Variants in FAM3C observed in about 807,000 individuals in gnomAD.
The protein encoded by FAM3C is protein FAM3C.
FAM3C carries 15 observed loss-of-function variants against 32.5 expected under a neutral mutation model. That is an observed-to-expected ratio of 0.46 (90% confidence interval 0.31 to 0.71). FAM3C has a LOEUF of 0.71. Among genes scored for constraint, FAM3C ranks in the 30% least tolerant of loss-of-function variants. The probability of loss-of-function intolerance (pLI) is 0.05; values close to 1 mark genes in which losing one functional copy is unlikely to be tolerated. For missense variants in FAM3C, 175 were observed against 274.4 expected (o/e 0.64, Z 2.56); for synonymous variants, 75 against 86.1 (o/e 0.87, Z 0.72).
intron 5 of FAM3C, among the ~76,000 whole-genome samples, chr7:121,368,507 C>G (rs1794069867): frequency 1.3e-5 from 2 of 152,168 alleles, no homozygotes; most frequent in South Asian, 4.1e-4. Flanking sequence ...TATGAAAGTG[C>G]TGTGGCAGTA....
intron 1 of FAM3C, among the ~76,000 whole-genome samples, chr7:121,384,244 C>T (rs749286501): frequency 3.9e-5 from 6 of 152,072 alleles, no homozygotes; most frequent in Admixed American, 6.6e-5. Flanking sequence ...ACAGCTTCCA[C>T]GTAATAGAAA....
At chr7:121,393,433 G>A (rs2116980085) in intron 1 of FAM3C, among the ~76,000 whole-genome samples, 1 of 152,148 alleles carries the variant, frequency 6.6e-6, no homozygotes, top group South Asian at 2.1e-4. Context: ...GGGGTACCCT[G>A]TCTTTGTAAA....
chr7:121,362,606 C>A, intron 7 of FAM3C: 1 of 319,652 alleles, frequency 3.1e-6, no homozygotes. Context: ...GAGCCCAAAA[C>A]TTTTGAATTG....
chr7:121,354,103 T>A (rs1167732088), intron 8 of FAM3C, among the ~76,000 whole-genome samples: 1 of 152,202 alleles, frequency 6.6e-6, no homozygotes, highest in Non-Finnish European at 1.5e-5. Context: ...AAAAAATCTT[T>A]ATATTTCAAA....
In FAM3C at chr7:121,351,196, T is replaced by C; in HGVS notation, c.541A>G (p.Asn181Asp). 1.9e-6 allele frequency: 3 copies of C among 1,613,750 alleles called. No individual in the cohort carries two copies. The highest frequency in any genetic ancestry group is 2.5e-6 in the Non-Finnish European group (3 of 1,179,792). The change falls in exon 9 of 10, where the codon AAC (asparagine) becomes GAC (aspartate). Residue 181 changes from asparagine to aspartate, a missense_variant. Physicochemically the swap from Asn to Asp is conservative, Grantham distance 23. Coordinates refer to ENST00000359943, the MANE Select transcript of FAM3C (RefSeq NM_014888.3). ...CCCTTCCCACCACAGAAGACCCAGT[T>C]GTCTCTAAAACCAAGATTAGTAATA... ...TSITNLGFRDNWVFCGGKGIK... is the reference protein window; with the variant it reads ...TSITNLGFRDDWVFCGGKGIK...
At chr7:121,364,033 G>T in intron 6 of FAM3C, 97 bp downstream of exon 6, 1 of 800,008 alleles carries the variant, frequency 1.2e-6, no homozygotes, top group Non-Finnish European at 2.2e-6. Flanking sequence ...ATCATCAAGA[G>T]CAGTACTTTC....
At chr7:121,388,264 A>ACACT (rs1794504843) in intron 1 of FAM3C, among the ~76,000 whole-genome samples, 1 of 145,694 alleles carries the variant, frequency 6.9e-6, no homozygotes, top group African/African-American at 2.5e-5. Context: ...ACACACACTC[A>ACACT]CACACTCCTG....
At chr7:121,383,759 G>T (rs1243260646) in intron 1 of FAM3C, among the ~76,000 whole-genome samples, 2 of 152,056 alleles carry the variant, frequency 1.3e-5, no homozygotes, top group Non-Finnish European at 2.9e-5. Flanking sequence ...CTCAAAATAG[G>T]TGACATTTTG....
intron 5 of FAM3C, among the ~76,000 whole-genome samples, chr7:121,370,798 A>G (rs1794130199): frequency 6.6e-6 from 1 of 152,202 alleles, no homozygotes. Context: ...AAATAAAGAG[A>G]ACACATTCAT....
intron 1 of FAM3C, among the ~76,000 whole-genome samples, chr7:121,386,252 T>C (rs1216702571): frequency 6.6e-6 from 1 of 152,076 alleles, no homozygotes; most frequent in African/African-American, 2.4e-5. Flanking sequence ...CACAGGAAAA[T>C]ACCACAAGTT....
intron 8 of FAM3C, among the ~76,000 whole-genome samples, chr7:121,356,490 G>C (rs1219437294): frequency 6.6e-6 from 1 of 152,156 alleles, no homozygotes; most frequent in Admixed American, 6.5e-5. Flanking sequence ...CCAAATTAAA[G>C]AACATCAGGC....
Position 121,395,296 on chromosome 7 carries a change from CATATATATGG to C in FAM3C, c.-42+856_-42+865del, listed in dbSNP as rs1562896406. Reference sequence around the variant, plus strand: ...ATACATACATATATATGGATACATACATATATATGGATACATACATACATATATATATATG... The same window carrying C: ...ATACATACATATATATGGATACATACATACATACATACATATATATATATG... On this transcript the variant is annotated intron_variant, in intron 1 of 9. Transcript: ENST00000359943. Among the ~76,000 whole-genome samples, 380 of 126,148 alleles carry C rather than the reference CATATATATGG, an allele frequency of 3.0e-3. 3 individuals carry two copies. Among genetic ancestry groups the C allele is most frequent in the African/African-American group, 0.013 (354 of 27,782 alleles). 82.8% of individuals were successfully genotyped at this position (126,148 alleles called of 152,430 possible). A position where few individuals can be genotyped will look rare whatever the true frequency, so the allele number is the denominator to read the frequency against.
At chr7:121,380,674 A>G (rs995077584) in intron 2 of FAM3C, among the ~76,000 whole-genome samples, 2 of 150,844 alleles carry the variant, frequency 1.3e-5, no homozygotes, top group African/African-American at 2.4e-5. Flanking sequence ...TACCTAGATA[A>G]CGAACCTGTA....
Position 121,364,038 on chromosome 7 carries a change from A to G in FAM3C, c.331+92T>C, listed in dbSNP as rs916078485. On this transcript the variant is annotated intron_variant, in intron 6 of 9. Transcript: ENST00000359943. ...AGAGGGCTTTATCATCAAGAGCAGTACTTTCTAACCTGATCCTCTGATAGT... is the reference window on the plus strand; with the variant it reads ...AGAGGGCTTTATCATCAAGAGCAGTGCTTTCTAACCTGATCCTCTGATAGT... 9.5e-6 allele frequency: 8 copies of G among 841,198 alleles called. No homozygotes were observed. The African/African-American group carries it at 1.3e-4, about 14-fold the overall frequency. The allele number at this position is 841,198 out of a possible 1,614,324, so 52.1% of individuals were successfully genotyped here.
intron 1 of FAM3C, among the ~76,000 whole-genome samples, chr7:121,385,776 G>A (rs1347336426): frequency 6.6e-6 from 1 of 152,116 alleles, no homozygotes; most frequent in Non-Finnish European, 1.5e-5. Flanking sequence ...TTTACCAGGA[G>A]GGGGATTTCT....
In FAM3C at chr7:121,377,442, C is replaced by T. The variant is rs2116933219; in HGVS notation, c.118+1468G>A. 2.0e-5 allele frequency among the ~76,000 whole-genome samples: 3 copies of T among 152,294 alleles called. No homozygotes were observed. The South Asian group carries it at 6.2e-4, about 32-fold the overall frequency. ...CAGCAATCTCAGTTCTTTCATTTGACTTCTGCCCACTAGACCAAAATATGG... is the reference window on the plus strand; with the variant it reads ...CAGCAATCTCAGTTCTTTCATTTGATTTCTGCCCACTAGACCAAAATATGG... On this transcript the variant is annotated intron_variant, in intron 3 of 9. Coordinates refer to ENST00000359943, the MANE Select transcript of FAM3C (RefSeq NM_014888.3).
intron 1 of FAM3C, among the ~76,000 whole-genome samples, chr7:121,393,688 G>A (rs1794625181): frequency 6.6e-6 from 1 of 152,166 alleles, no homozygotes; most frequent in Admixed American, 6.5e-5. Context: ...TCCTCTGAGA[G>A]GAAGTCAGCC....
intron 8 of FAM3C, among the ~76,000 whole-genome samples, chr7:121,356,030 A>C (rs1454626198): frequency 5.7e-4 from 81 of 141,744 alleles, no homozygotes; most frequent in Non-Finnish European, 1.5e-5. Flanking sequence ...CTGATTTGAC[A>C]GTGGTTTAGA....
At chr7:121,389,901 A>G (rs112514716) in intron 1 of FAM3C, among the ~76,000 whole-genome samples, 2 of 152,186 alleles carry the variant, frequency 1.3e-5, no homozygotes, top group Non-Finnish European at 2.9e-5. Flanking sequence ...CATCTAAATG[A>G]CTGGAAATGA....
Sources: allele counts gnomAD v4.1 joint callset (sites outside exome capture counted in the v4.1 genomes callset), GRCh38; gene constraint gnomAD v4.1.1; transcripts MANE v1.5; gene names NCBI Gene and HGNC (gene_info 2026-07-23, HGNC 2026-07-21).